The following NBAS variants were observed in gnomAD, a reference collection of about 807,000 sequenced individuals.
NBAS encodes NAG/BC035112 fusion.
In NBAS, 219 loss-of-function variants were observed where a neutral mutation model predicts 302.5. The ratio of observed to expected loss-of-function variants is 0.72; its 90% CI spans 0.65 to 0.81. NBAS has a LOEUF of 0.81. Among genes scored for constraint, NBAS ranks in the 30% least tolerant of loss-of-function variants. NBAS has a pLI of 0.00. For synonymous variants in NBAS, 1,118 were observed against 1,021.6 expected (o/e 1.09, Z -1.80); for missense variants, 2,932 against 2,841.6 (o/e 1.03, Z -0.72).
At chr2:15,147,956 A>G in the NBAS span, among the ~76,000 whole-genome samples, 100 of 152,158 alleles carry the variant, frequency 6.6e-4, no homozygotes, top group South Asian at 2.5e-3. Flanking sequence ...CAAACGTTCA[A>G]CTGGAGAACT....
Position 15,394,466 on chromosome 2 carries a change from G to A in NBAS, c.3135-117C>T. Reference sequence around the variant, plus strand: ...TATTAAAAAAAAATTATCCCATAGTGTAATCCAATTTTACATATAACGTTG... The same window carrying A: ...TATTAAAAAAAAATTATCCCATAGTATAATCCAATTTTACATATAACGTTG... On this transcript the variant is annotated intron_variant, in intron 27 of 51. Coordinates refer to ENST00000281513, the MANE Select transcript of NBAS (RefSeq NM_015909.4). 3 of 1,048,200 alleles carry A rather than the reference G, an allele frequency of 2.9e-6. No individual in the cohort carries two copies. The South Asian group carries it at 4.4e-5, about 15-fold the overall frequency. The allele number at this position is 1,048,200 out of a possible 1,614,324, so 64.9% of individuals were successfully genotyped here.
At chr2:15,540,784 G>A (rs13396395) in intron 6 of NBAS, among the ~76,000 whole-genome samples, 1,801 of 151,680 alleles carry the variant, frequency 0.012, 32 homozygotes, top group African/African-American at 0.041. Context: ...GTACAGTGGC[G>A]CGATCTGGGC....
At chr2:14,886,456 C>T in the NBAS span, among the ~76,000 whole-genome samples, 1 of 152,350 alleles carries the variant, frequency 6.6e-6, no homozygotes, top group Admixed American at 6.5e-5. Context: ...GCATATCTCT[C>T]TATCAGAGCC....
At chr2:15,558,384 T>C (rs1391966239) in intron 2 of NBAS, among the ~76,000 whole-genome samples, 196 bp downstream of exon 2, 4 of 152,170 alleles carry the variant, frequency 2.6e-5, no homozygotes, top group Non-Finnish European at 5.9e-5. Flanking sequence ...AGCTCTAAGC[T>C]GCATTAGAGC....
At chr2:14,870,983 A>G in the NBAS span, among the ~76,000 whole-genome samples, 1 of 152,016 alleles carries the variant, frequency 6.6e-6, no homozygotes, top group African/African-American at 2.4e-5. Context: ...GAGAGTAAAA[A>G]TAAACTAAAA....
the NBAS span, among the ~76,000 whole-genome samples, chr2:14,799,607 T>C: frequency 1.3e-5 from 2 of 152,140 alleles, no homozygotes; most frequent in Admixed American, 1.3e-4. Flanking sequence ...TTGAGTAGTC[T>C]ATATCCTCAC....
At chr2:14,905,119 G>A in the NBAS span, among the ~76,000 whole-genome samples, 4 of 152,192 alleles carry the variant, frequency 2.6e-5, no homozygotes, top group Admixed American at 2.0e-4. Flanking sequence ...AGATTGGATG[G>A]TGCCCACCCA....
At chr2:15,550,694 C>A (rs950676147) in intron 6 of NBAS, among the ~76,000 whole-genome samples, 2 of 151,446 alleles carry the variant, frequency 1.3e-5, no homozygotes, top group East Asian at 3.9e-4. Flanking sequence ...TCAAGTGATT[C>A]TCCTGCCTCG....
chr2:15,353,832 T>G (rs1466300956), intron 33 of NBAS, 122 bp from the exon 34 acceptor site: 1 of 1,140,156 alleles, frequency 8.8e-7, no homozygotes. Flanking sequence ...TAGTCATTAG[T>G]GACACATTAT....
chr2:14,903,327 CA>C, the NBAS span, among the ~76,000 whole-genome samples: 601 of 62,536 alleles, frequency 9.6e-3, no homozygotes, highest in African/African-American at 0.017. Context: ...ATAAGCTTTG[CA>C]AAAAAAAAAA....
Position 15,167,092 on chromosome 2 carries a change from T to C in NBAS, c.7072A>G (p.Arg2358Gly). Residue 2358 changes from arginine to glycine, a missense_variant, in exon 52 of 52, where the codon AGA (arginine) becomes GGA (glycine). Arg to Gly is a moderately radical substitution (Grantham distance 125). Coordinates refer to ENST00000281513, the MANE Select transcript of NBAS (RefSeq NM_015909.4). ...LAVRGTHQAF[R>G]TFSTALRAAQ... ...GCGCGGAGGGCTGTACTGAAGGTTCTGAAGGCCTGGTGAGTCCCCCTCACG... is the reference window on the plus strand; with the variant it reads ...GCGCGGAGGGCTGTACTGAAGGTTCCGAAGGCCTGGTGAGTCCCCCTCACG... 1 of 1,611,916 alleles carries C rather than the reference T, an allele frequency of 6.2e-7. No homozygotes were observed. Among genetic ancestry groups the C allele is most frequent in the East Asian group, 2.2e-5 (1 of 44,828 alleles).
chr2:15,528,744 G>A (rs1663058440), intron 9 of NBAS, among the ~76,000 whole-genome samples: 1 of 149,886 alleles, frequency 6.7e-6, no homozygotes. Context: ...GCAAGAGCCT[G>A]TAATCCCAGC....
chr2:15,351,920 A>G, intron 35 of NBAS, 72 bp downstream of exon 35: 1 of 1,137,712 alleles, frequency 8.8e-7, no homozygotes, highest in South Asian at 1.3e-5. Context: ...CCTCTCATCC[A>G]CAAGGTTAGG....
At chr2:15,002,901 C>T in the NBAS span, among the ~76,000 whole-genome samples, 32 of 152,250 alleles carry the variant, frequency 2.1e-4, no homozygotes, top group Non-Finnish European at 3.5e-4. Flanking sequence ...AGCCCCTGTT[C>T]CCGCTGGCGC....
At chr2:15,555,332 T>C (rs1664596711) in intron 3 of NBAS, among the ~76,000 whole-genome samples, 1 of 150,410 alleles carries the variant, frequency 6.6e-6, no homozygotes, top group Non-Finnish European at 1.5e-5. Context: ...CAAAATAATA[T>C]CAAAAGACAG....
At chr2:14,983,253 A>T in the NBAS span, among the ~76,000 whole-genome samples, 2 of 152,254 alleles carry the variant, frequency 1.3e-5, no homozygotes, top group Non-Finnish European at 2.9e-5. Flanking sequence ...CTATTAGTAC[A>T]TCCAGCCTTT....
At chr2:14,843,557 G>GACACACACACACACACAC in the NBAS span, among the ~76,000 whole-genome samples, 1,396 of 147,082 alleles carry the variant, frequency 9.5e-3, 30 homozygotes, top group African/African-American at 0.034. Flanking sequence ...TACAGACACA[G>GACACACACACACACACAC]ACACACACAC....
the NBAS span, among the ~76,000 whole-genome samples, chr2:14,943,183 G>A: frequency 6.6e-6 from 1 of 152,134 alleles, no homozygotes; most frequent in Non-Finnish European, 1.5e-5. Flanking sequence ...CCTAATCAGG[G>A]ACTCTCAATG....
intron 44 of NBAS, among the ~76,000 whole-genome samples, chr2:15,242,834 T>G (rs1667926156): frequency 1.3e-5 from 2 of 152,120 alleles, no homozygotes; most frequent in South Asian, 2.1e-4. Context: ...ATGGATTTTT[T>G]GAAATAAAGA....
Sources: allele counts gnomAD v4.1 joint callset (sites outside exome capture counted in the v4.1 genomes callset), GRCh38; gene constraint gnomAD v4.1.1; transcripts MANE v1.5; gene names NCBI Gene and HGNC (gene_info 2026-07-23, HGNC 2026-07-21).